The following TMEM181 variants were observed in gnomAD, a reference collection of about 807,000 sequenced individuals.
TMEM181 encodes G protein-coupled receptor 178.
TMEM181 carries 39 observed loss-of-function variants against 71.9 expected under a neutral mutation model. The ratio of observed to expected loss-of-function variants is 0.54; its 90% CI spans 0.42 to 0.71. TMEM181 has a LOEUF of 0.71. Among genes scored for constraint, TMEM181 ranks in the 30% least tolerant of loss-of-function variants. TMEM181 has a pLI of 0.00. For synonymous variants in TMEM181, 245 were observed against 228.8 expected (o/e 1.07, Z -0.64); for missense variants, 595 against 583.0 (o/e 1.02, Z -0.21).
At chr6:158,554,789 T>A (rs937661152) in intron 1 of TMEM181, among the ~76,000 whole-genome samples, 13 of 152,196 alleles carry the variant, frequency 8.5e-5, no homozygotes, top group Non-Finnish European at 2.9e-5. Flanking sequence ...CAGCTTTCAT[T>A]TTAGAATGTT....
intron 9 of TMEM181, 30 bp downstream of exon 9, chr6:158,608,493 G>T: frequency 3.7e-6 from 6 of 1,614,032 alleles, no homozygotes; most frequent in East Asian, 2.2e-5. Context: ...ACTGCCGGGG[G>T]AGGTTCCAGA....
intron 10 of TMEM181, among the ~76,000 whole-genome samples, chr6:158,613,186 C>T (rs1435607411): frequency 6.6e-6 from 1 of 152,100 alleles, no homozygotes; most frequent in Non-Finnish European, 1.5e-5. Flanking sequence ...CTGTCGAAAA[C>T]CATAAAAATT....
At chr6:158,554,984 C>CTTTTTTGCT (rs1368429792) in intron 1 of TMEM181, among the ~76,000 whole-genome samples, 4 of 152,166 alleles carry the variant, frequency 2.6e-5, no homozygotes, top group Non-Finnish European at 5.9e-5. Flanking sequence ...CACTCTTTTG[C>CTTTTTTGCT]TTTTTTCAGC....
chr6:158,614,175 C>A (rs1346853061), intron 10 of TMEM181, among the ~76,000 whole-genome samples: 1 of 152,146 alleles, frequency 6.6e-6, no homozygotes, highest in Non-Finnish European at 1.5e-5. Flanking sequence ...GCTCCAGGGG[C>A]CTTCTGCAGC....
At chr6:158,611,038 C>G in intron 10 of TMEM181, 1 of 451,606 alleles carries the variant, frequency 2.2e-6, no homozygotes, top group Non-Finnish European at 4.4e-6. Flanking sequence ...TTTCGGATTT[C>G]TAAATGAGAG....
chr6:158,600,486 T>TTTTTTTG (rs1233313166), intron 6 of TMEM181, among the ~76,000 whole-genome samples: 1 of 100,094 alleles, frequency 1.0e-5, no homozygotes, highest in African/African-American at 3.5e-5. Flanking sequence ...TTTTTTTTTT[T>TTTTTTTG]GGAGATGGAA....
intron 1 of TMEM181, among the ~76,000 whole-genome samples, chr6:158,570,755 A>G (rs1484447098): frequency 6.6e-6 from 1 of 152,162 alleles, no homozygotes; most frequent in African/African-American, 2.4e-5. Context: ...ATCAAAATGA[A>G]GACGTTGACC....
intron 10 of TMEM181, among the ~76,000 whole-genome samples, chr6:158,617,778 T>A (rs2128324161): frequency 6.6e-6 from 1 of 152,330 alleles, no homozygotes; most frequent in East Asian, 1.9e-4. Context: ...TCCCATGTAG[T>A]TGTGAGGTTT....
chr6:158,545,617 A>G (rs1350078483), intron 1 of TMEM181, among the ~76,000 whole-genome samples: 3 of 150,378 alleles, frequency 2.0e-5, no homozygotes, highest in Non-Finnish European at 4.4e-5. Context: ...GAACTTGGAA[A>G]CATGCTGTAA....
In TMEM181 at chr6:158,585,240, A is replaced by G. The variant is rs1016139041; in HGVS notation, c.260-64A>G. 5 of 1,493,334 alleles carry G rather than the reference A, an allele frequency of 3.3e-6. No individual in the cohort carries two copies. The Admixed American group carries it at 7.0e-5, about 21-fold the overall frequency. 92.5% of individuals were successfully genotyped at this position (1,493,334 alleles called of 1,614,324 possible). A position where few individuals can be genotyped will look rare whatever the true frequency, so the allele number is the denominator to read the frequency against. ...CTCCAAGGTCATTACAGAGCCAGGA[A>G]GGCACCTTTGTAGGTGTGATGTGCC... On this transcript the variant is annotated intron_variant, in intron 4 of 16. Transcript: ENST00000684151.
chr6:158,550,763 G>T (rs997422562), intron 1 of TMEM181, among the ~76,000 whole-genome samples: 2 of 151,936 alleles, frequency 1.3e-5, no homozygotes, highest in African/African-American at 4.8e-5. Context: ...AAATCTAGAA[G>T]AATTCAGGAC....
chr6:158,592,664 T>G (rs1036857356), intron 6 of TMEM181, among the ~76,000 whole-genome samples: 2 of 152,064 alleles, frequency 1.3e-5, no homozygotes, highest in Non-Finnish European at 1.5e-5. Context: ...TTTCATATAT[T>G]TAGTAGAGAT....
intron 2 of TMEM181, among the ~76,000 whole-genome samples, chr6:158,577,629 AC>A (rs1400126454): frequency 6.6e-6 from 1 of 152,200 alleles, no homozygotes; most frequent in African/African-American, 2.4e-5. Flanking sequence ...ACTGAAAGAG[AC>A]CCACACCAAG....
chr6:158,623,678 C>T (rs1253446391), intron 11 of TMEM181, 71 bp downstream of exon 11: 2 of 1,140,426 alleles, frequency 1.8e-6, no homozygotes, highest in South Asian at 1.5e-5. Flanking sequence ...AATTTTGTGA[C>T]TTAAATTGTT....
intron 10 of TMEM181, among the ~76,000 whole-genome samples, chr6:158,621,205 A>G (rs560031065): frequency 3.3e-5 from 5 of 152,310 alleles, no homozygotes; most frequent in African/African-American, 9.6e-5. Context: ...TTTGGTGCTT[A>G]CCCAAGAGAC....
Position 158,585,433 on chromosome 6 carries a change from T to C in TMEM181, c.381+8T>C. 6.3e-7 allele frequency: 1 copy of C among 1,579,064 alleles called. No homozygotes were observed. The highest frequency in any genetic ancestry group is 8.6e-7 in the Non-Finnish European group (1 of 1,165,946). On this transcript the variant is annotated splice_region_variant and intron_variant, in intron 5 of 16. Coordinates refer to ENST00000684151, the MANE Select transcript of TMEM181 (RefSeq NM_001376852.1). ...ACCCTCACATGTGCAGGGGTGAGTGTGTGGGGTGAGCCCCACAGTCAGTCC... is the reference window on the plus strand; with the variant it reads ...ACCCTCACATGTGCAGGGGTGAGTGCGTGGGGTGAGCCCCACAGTCAGTCC...
intron 2 of TMEM181, among the ~76,000 whole-genome samples, chr6:158,578,608 A>G (rs1184728786): frequency 6.6e-6 from 1 of 152,194 alleles, no homozygotes; most frequent in Non-Finnish European, 1.5e-5. Context: ...GAATTTTTAC[A>G]TATTGATGTT....
chr6:158,608,559 G>T, intron 9 of TMEM181, 96 bp downstream of exon 9: 1 of 1,605,846 alleles, frequency 6.2e-7, no homozygotes, highest in Non-Finnish European at 8.5e-7. Context: ...TTTATCCATG[G>T]AAGCCTGTCT....
intron 6 of TMEM181, among the ~76,000 whole-genome samples, chr6:158,596,074 A>C (rs1015616766): frequency 9.2e-5 from 14 of 151,976 alleles, no homozygotes; most frequent in African/African-American, 2.7e-4. Flanking sequence ...GGTGCCCACC[A>C]CCACGCCTGG....
Sources: allele counts gnomAD v4.1 joint callset (sites outside exome capture counted in the v4.1 genomes callset), GRCh38; gene constraint gnomAD v4.1.1; transcripts MANE v1.5; gene names NCBI Gene and HGNC (gene_info 2026-07-23, HGNC 2026-07-21).